Variants in HMG20A observed in about 807,000 individuals in gnomAD.
HMG20A encodes the protein high mobility group 20A.
A neutral mutation model predicts 43.9 loss-of-function variants in HMG20A; 17 were observed. That is an observed-to-expected ratio of 0.39 (90% CI 0.27 to 0.58). HMG20A has a LOEUF of 0.58. HMG20A is among the 20% of genes least tolerant of loss of function. The pLI is 0.59. For missense variants in HMG20A, 341 were observed against 438.2 expected (o/e 0.78, Z 1.98); for synonymous variants, 132 against 147.5 (o/e 0.89, Z 0.76).
chr15:77,485,895 G>A (rs1303500609), downstream of HMG20A, among the ~76,000 whole-genome samples: 1 of 152,202 alleles, frequency 6.6e-6, no homozygotes, highest in African/African-American at 2.4e-5. Flanking sequence ...TCGTGCCACT[G>A]CACTCCAGCC....
the HMG20A span, among the ~76,000 whole-genome samples, chr15:77,492,293 T>A: frequency 5.3e-5 from 8 of 152,338 alleles, no homozygotes; most frequent in Middle Eastern, 3.4e-3. Context: ...TAATATAGTA[T>A]GAAAATATCT....
In HMG20A at chr15:77,425,317, G is replaced by A. The variant is rs191150411; in HGVS notation, c.-5+4313G>A. On this transcript the variant is annotated intron_variant, in intron 1 of 9. Transcript: ENST00000336216. ...CTCTGTGCTGTCATACCTGGCACAA[G>A]ACCATTCACATCATAGGTATTCAGT... Among the ~76,000 whole-genome samples the A allele has an allele frequency of 3.3e-4, 50 of 152,294 alleles. 1 individual carries two copies. Among genetic ancestry groups the A allele is most frequent in the African/African-American group, 1.2e-3 (49 of 41,558 alleles).
chr15:77,469,220 T>C (rs1434200704), intron 4 of HMG20A, among the ~76,000 whole-genome samples: 2 of 114,540 alleles, frequency 1.7e-5, no homozygotes. Flanking sequence ...TAATAAGTAA[T>C]CTATGGGGAG....
At chr15:77,506,633 C>T in the HMG20A span, among the ~76,000 whole-genome samples, 1 of 152,232 alleles carries the variant, frequency 6.6e-6, no homozygotes, top group South Asian at 2.1e-4. Context: ...TGAGCCAGGG[C>T]CGCCAAAAGA....
At chr15:77,448,944 G>A (rs912714894) in intron 1 of HMG20A, among the ~76,000 whole-genome samples, 1 of 152,046 alleles carries the variant, frequency 6.6e-6, no homozygotes, top group African/African-American at 2.4e-5. Context: ...TCAGCCACTC[G>A]GGAGGCTGAG....
Position 77,479,959 on chromosome 15 carries a change from C to T in HMG20A, c.*6+638C>T, listed in dbSNP as rs574309564. Among the ~76,000 whole-genome samples the T allele has an allele frequency of 1.4e-3, 206 of 152,202 alleles. 2 individuals are homozygous for T. The highest frequency in any genetic ancestry group is 1.5e-3 in the Non-Finnish European group (103 of 68,012). On this transcript the variant is annotated intron_variant, in intron 9 of 9. Transcript: ENST00000336216. ...TCTGTTAAATGTTGATGTGGACTCA[C>T]CATACAAACAGGTAACTCCCTGGTT...
chr15:77,430,493 G>A (rs2073473532), intron 1 of HMG20A, among the ~76,000 whole-genome samples: 1 of 152,232 alleles, frequency 6.6e-6, no homozygotes, highest in African/African-American at 2.4e-5. Flanking sequence ...AACCAAAGGA[G>A]CTTCAGAGAA....
the HMG20A span, among the ~76,000 whole-genome samples, chr15:77,493,149 G>A: frequency 1.3e-5 from 2 of 152,264 alleles, no homozygotes; most frequent in South Asian, 2.1e-4. Flanking sequence ...TGGAAGAAAC[G>A]TGATTAAACA....
At chr15:77,442,763 T>A in intron 1 of HMG20A, among the ~76,000 whole-genome samples, 1 of 152,180 alleles carries the variant, frequency 6.6e-6, no homozygotes, top group East Asian at 1.9e-4. Flanking sequence ...GAAATCCTTC[T>A]AATGGTGTTT....
At chr15:77,478,093 A>G (rs2072872529) in intron 7 of HMG20A, 2 of 593,126 alleles carry the variant, frequency 3.4e-6, no homozygotes, top group Non-Finnish European at 6.0e-6. Context: ...GAATGTGACT[A>G]GCTTTAAGAA....
chr15:77,499,109 C>T, the HMG20A span, among the ~76,000 whole-genome samples: 20 of 152,174 alleles, frequency 1.3e-4, no homozygotes, highest in African/African-American at 4.8e-4. Context: ...ATAAATGAAG[C>T]ACATACTATT....
chr15:77,495,882 G>T, the HMG20A span, among the ~76,000 whole-genome samples: 17 of 152,154 alleles, frequency 1.1e-4, no homozygotes, highest in African/African-American at 3.9e-4. Flanking sequence ...TGCATGTCCT[G>T]ACCCTCCTTC....
At chr15:77,509,196 G>A in the HMG20A span, among the ~76,000 whole-genome samples, 1 of 152,010 alleles carries the variant, frequency 6.6e-6, no homozygotes, top group Non-Finnish European at 1.5e-5. Context: ...GTCAAGGGAT[G>A]GCAGTCCAGC....
At chr15:77,436,086 A>G (rs2073544669) in intron 1 of HMG20A, among the ~76,000 whole-genome samples, 1 of 152,224 alleles carries the variant, frequency 6.6e-6, no homozygotes, top group Admixed American at 6.5e-5. Context: ...GTACAACTTG[A>G]TATTTTATCT....
the HMG20A span, among the ~76,000 whole-genome samples, chr15:77,496,334 C>T: frequency 9.8e-5 from 15 of 152,308 alleles, no homozygotes; most frequent in Non-Finnish European, 2.2e-4. Flanking sequence ...TTGCTGGCTT[C>T]TGCGAGAAAA....
chr15:77,426,222 G>A (rs1165128732), intron 1 of HMG20A, among the ~76,000 whole-genome samples: 1 of 152,174 alleles, frequency 6.6e-6, no homozygotes, highest in African/African-American at 2.4e-5. Flanking sequence ...CTAATATACA[G>A]TTGACACCTG....
intron 6 of HMG20A, among the ~76,000 whole-genome samples, chr15:77,474,572 G>A (rs1166629835): frequency 6.6e-6 from 1 of 152,192 alleles, no homozygotes; most frequent in East Asian, 1.9e-4. Flanking sequence ...CGTTGCCCAA[G>A]GTGTCAGCAA....
At chr15:77,440,113 A>C (rs1355726840) in intron 1 of HMG20A, among the ~76,000 whole-genome samples, 1 of 152,176 alleles carries the variant, frequency 6.6e-6, no homozygotes, top group African/African-American at 2.4e-5. Context: ...TTACAAATAT[A>C]ATTTCCCAGT....
the HMG20A span, among the ~76,000 whole-genome samples, chr15:77,507,872 T>C: frequency 7.4e-6 from 1 of 134,238 alleles, no homozygotes; most frequent in Non-Finnish European, 1.6e-5. Context: ...ATGGAAAGCA[T>C]GTTGTGGGGG....
Sources: allele counts gnomAD v4.1 joint callset (sites outside exome capture counted in the v4.1 genomes callset), GRCh38; gene constraint gnomAD v4.1.1; transcripts MANE v1.5; gene names NCBI Gene and HGNC (gene_info 2026-07-23, HGNC 2026-07-21).